Variants in SORL1 observed in about 807,000 individuals in gnomAD.
SORL1 encodes the protein sortilin related receptor 1, also known as sortilin-related receptor.
Under a neutral mutation model 273.7 loss-of-function variants are expected in SORL1, and 127 were observed. The ratio of observed to expected loss-of-function variants is 0.46; its 90% confidence interval spans 0.40 to 0.54. The LOEUF is 0.54. SORL1 is among the 20% of genes least tolerant of loss of function. SORL1 has a pLI of 0.00. For missense variants in SORL1, 2,494 were observed against 2,846.1 expected (o/e 0.88, Z 2.81); for synonymous variants, 1,031 against 1,067.4 (o/e 0.97, Z 0.66).
At chr11:121,486,395 T>G (rs1435692535) in intron 3 of SORL1, among the ~76,000 whole-genome samples, 1 of 152,100 alleles carries the variant, frequency 6.6e-6, no homozygotes, top group Non-Finnish European at 1.5e-5. Flanking sequence ...TCCCACCACT[T>G]TAGGAGGCCG....
Position 121,586,348 on chromosome 11 carries a change from C to A in SORL1, c.3814+19C>A. ...CACTGCGGTGAGTTCATTCCTTGCC[C>A]CCAGGAAGCACTCAGGCCTAGTGAT... On this transcript the variant is annotated intron_variant, in intron 27 of 47. Transcript: ENST00000260197. 1 of 1,578,632 alleles carries A rather than the reference C, an allele frequency of 6.3e-7. No individual in the cohort carries two copies.
Position 121,596,951 on chromosome 11 carries a change from C to T in SORL1, c.4519+1179C>T, listed in dbSNP as rs1863304823. 6.6e-6 allele frequency among the ~76,000 whole-genome samples: 1 copy of T among 152,196 alleles called. No homozygotes were observed. Among genetic ancestry groups the T allele is most frequent in the Admixed American group, 6.5e-5 (1 of 15,278 alleles). On this transcript the variant is annotated intron_variant, in intron 32 of 47. Coordinates refer to ENST00000260197, the MANE Select transcript of SORL1 (RefSeq NM_003105.6). This position sits in a 1 kb window ranked among gnomAD's most constrained non-coding sequence, Gnocchi z 4.3. ...AATCTGAGGTGGAGGTTAGTCATCT[C>T]TTAATTCCTCTAATTCAGTATTTAC...
In SORL1 at chr11:121,601,346, G is replaced by A. The variant is rs1309461662; in HGVS notation, c.4520-2847G>A. On this transcript the variant is annotated intron_variant, in intron 32 of 47. Transcript: ENST00000260197. ...AGTCTTTGCTATTGTGAATAATGCCGCAATAAACATACGTGTGCATGTGTC... is the reference window on the plus strand; with the variant it reads ...AGTCTTTGCTATTGTGAATAATGCCACAATAAACATACGTGTGCATGTGTC... Among the ~76,000 whole-genome samples, 14 of 142,956 alleles carry A rather than the reference G, an allele frequency of 9.8e-5. 1 individual carries two copies. Among genetic ancestry groups the A allele is most frequent in the South Asian group, 2.3e-4 (1 of 4,286 alleles). The allele number at this position is 142,956 out of a possible 152,430, so 93.8% of individuals were successfully genotyped here. A position where few individuals can be genotyped will look rare whatever the true frequency, so the allele number is the denominator to read the frequency against.
intron 43 of SORL1, among the ~76,000 whole-genome samples, chr11:121,620,427 T>C (rs1863706532): frequency 6.6e-6 from 1 of 152,180 alleles, no homozygotes; most frequent in African/African-American, 2.4e-5. Flanking sequence ...GCATTGATCC[T>C]AAACAAAACA....
rs1862560149 is a variant in SORL1, at chr11:121,555,216, A to T, written c.2469A>T (p.Gln823His). The T allele has an allele frequency of 6.2e-7, 1 of 1,614,072 alleles. No homozygotes were observed. Among genetic ancestry groups the T allele is most frequent in the East Asian group, 2.2e-5 (1 of 44,886 alleles). Residue 823 changes from glutamine (Q) to histidine (H), a missense_variant, in exon 18 of 48, where the codon CAA becomes CAT. Physicochemically the swap from Gln to His is conservative, Grantham distance 24. Around this residue, in one of 3 missense-constraint regions of SORL1, gnomAD observed 1,609 missense variants for 1,816.4 expected, o/e 0.89. Transcript: ENST00000260197. The part of the protein sequence containing the change: ...QRLCLNGSTG[Q>H]EVIINSGLET... ...TCTGTTTGAATGGAAGCACAGGGCA[A>T]GAGGTGATCATCAATTCTGGCCTGG...
Position 121,549,950 on chromosome 11 carries a change from G to T in SORL1, c.2052-10G>T. Reference sequence around the variant, plus strand: ...ACCGTGGCCTTAACAAAGCCCAATTGCCTTTTTAGTGACTTCGGTTTCAAG... The same window carrying T: ...ACCGTGGCCTTAACAAAGCCCAATTTCCTTTTTAGTGACTTCGGTTTCAAG... On this transcript the variant is annotated splice_polypyrimidine_tract_variant and intron_variant, in intron 14 of 47. Coordinates refer to ENST00000260197, the MANE Select transcript of SORL1 (RefSeq NM_003105.6). 1 of 1,612,692 alleles carries T rather than the reference G, an allele frequency of 6.2e-7. No homozygotes were observed. Among genetic ancestry groups the T allele is most frequent in the Non-Finnish European group, 8.5e-7 (1 of 1,179,140 alleles).
Position 121,631,633 on chromosome 11 carries a change from C to G in SORL1, c.*2070C>G, listed in dbSNP as rs1863878196. 1 of 152,076 alleles carries G rather than the reference C, an allele frequency of 6.6e-6. No homozygotes were observed. The highest frequency in any genetic ancestry group is 1.5e-5 in the Non-Finnish European group (1 of 68,010). The allele number at this position is 152,076 out of a possible 1,614,324, so 9.4% of individuals were successfully genotyped here. On this transcript the variant is annotated 3_prime_UTR_variant, in exon 48 of 48. Transcript: ENST00000260197. ...ATTTTCAGTTATTCCATAGGCAAGC[C>G]TTTTTACAGAGCATATGTCTCCAGT...
chr11:121,613,755 A>G (rs1174773311), intron 40 of SORL1, among the ~76,000 whole-genome samples: 1 of 152,236 alleles, frequency 6.6e-6, no homozygotes, highest in African/African-American at 2.4e-5. Context: ...TGGCAGAGCC[A>G]GGATTGGAAC....
intron 31 of SORL1, among the ~76,000 whole-genome samples, chr11:121,591,591 A>C (rs1022700125): frequency 6.6e-6 from 1 of 152,314 alleles, no homozygotes; most frequent in South Asian, 2.1e-4. Flanking sequence ...AAGGGTAAGC[A>C]CTGCCATCTA....
At chr11:121,456,017 T>G (rs1363200684) in intron 1 of SORL1, among the ~76,000 whole-genome samples, 1 of 149,790 alleles carries the variant, frequency 6.7e-6, no homozygotes, top group Non-Finnish European at 1.5e-5. Flanking sequence ...AAAGGCAAAG[T>G]TTAGAAGTTG....
rs1034956693 is a variant in SORL1, at chr11:121,452,732, G to A, written c.285+116G>A. On this transcript the variant is annotated intron_variant, in intron 1 of 47. Transcript: ENST00000260197. This position sits in a 1 kb window ranked among gnomAD's most constrained non-coding sequence, Gnocchi z 5.3. ...GTGCAGGCACCACTGGGGACTTCCC[G>A]GCTTGCATTTGTTTTTTTCCTTCAC... 37 of 926,676 alleles carry A rather than the reference G, an allele frequency of 4.0e-5. No homozygotes were observed. The African/African-American group carries it at 5.4e-4, about 14-fold the overall frequency. The allele number at this position is 926,676 out of a possible 1,614,324, so 57.4% of individuals were successfully genotyped here.
intron 25 of SORL1, among the ~76,000 whole-genome samples, chr11:121,577,628 C>T (rs576619899): frequency 1.3e-5 from 2 of 152,320 alleles, no homozygotes; most frequent in East Asian, 1.9e-4. Context: ...TGAGTGATAT[C>T]GTTGATTTAT....
chr11:121,614,767 G>C (rs925949544), intron 40 of SORL1, 104 bp from the exon 41 acceptor site: 10 of 885,336 alleles, frequency 1.1e-5, no homozygotes, highest in Middle Eastern at 2.2e-4. Context: ...ACTCATTTAA[G>C]TCAAGAGATT....
chr11:121,627,782 G>A lies in SORL1; in HGVS notation c.6577+15G>A, dbSNP rs771745339. On this transcript the variant is annotated intron_variant, in intron 47 of 47. Transcript: ENST00000260197. This position sits in a 1 kb window ranked among gnomAD's most constrained non-coding sequence, Gnocchi z 4.9. ...GGATGACCTGGGTAAGTGGGGCAGG[G>A]AGAGTCGGTTCTTCCTCCCAGGGCT... The A allele has an allele frequency of 8.1e-6, 13 of 1,597,454 alleles. No individual in the cohort carries two copies. Among genetic ancestry groups the A allele is most frequent in the Non-Finnish European group, 1.0e-5 (12 of 1,167,254 alleles).
rs186425606 is a variant in SORL1, at chr11:121,631,385, C to G, written c.*1822C>G. 16 of 150,594 alleles carry G rather than the reference C, an allele frequency of 1.1e-4. No individual in the cohort carries two copies. The highest frequency in any genetic ancestry group is 1.9e-4 in the Non-Finnish European group (13 of 67,690). 9.3% of individuals were successfully genotyped at this position (150,594 alleles called of 1,614,324 possible). On this transcript the variant is annotated 3_prime_UTR_variant, in exon 48 of 48. Transcript: ENST00000260197. ...TTTCCTAAGTTTTTTTTTTTAAAGA[C>G]TGGAATTTTTTTTGGCTTTATCTTG...
At chr11:121,520,945 A>G in intron 9 of SORL1, 96 bp downstream of exon 9, 2 of 772,562 alleles carry the variant, frequency 2.6e-6, no homozygotes. Flanking sequence ...GAAAAAATAC[A>G]AGATCACATG....
chr11:121,549,873 G>C, intron 14 of SORL1, 87 bp from the exon 15 acceptor site: 1 of 1,182,628 alleles, frequency 8.5e-7, no homozygotes. Context: ...AAAGTGAAAA[G>C]TAGTAAGGTA....
intron 21 of SORL1, among the ~76,000 whole-genome samples, chr11:121,562,995 G>A (rs894152119): frequency 6.6e-6 from 1 of 152,184 alleles, no homozygotes; most frequent in Non-Finnish European, 1.5e-5. Context: ...CATGTATTGA[G>A]GGGTTGCTGT....
intron 3 of SORL1, among the ~76,000 whole-genome samples, chr11:121,481,083 T>G (rs1214710752): frequency 1.6e-5 from 2 of 122,532 alleles, no homozygotes; most frequent in Non-Finnish European, 3.4e-5. Context: ...AGGCTTCATC[T>G]CCTCCTCCCC....
Sources: allele counts gnomAD v4.1 joint callset (sites outside exome capture counted in the v4.1 genomes callset), GRCh38; gene constraint gnomAD v4.1.1; regional missense constraint gnomAD v4.1.1; non-coding constraint Gnocchi (gnomAD v3.1); transcripts MANE v1.5; gene names NCBI Gene and HGNC (gene_info 2026-07-23, HGNC 2026-07-21).